The following NFIB variants were observed in gnomAD, a reference collection of about 807,000 sequenced individuals.
NFIB encodes nuclear factor 1 B-type.
In NFIB, 11 loss-of-function variants were observed where a neutral mutation model predicts 61.5. That is an observed-to-expected ratio of 0.18 (90% confidence interval 0.11 to 0.30). NFIB has a LOEUF of 0.30. NFIB is among the 10% of genes least tolerant of loss of function. NFIB has a pLI of 1.00. For synonymous variants in NFIB, 260 were observed against 216.5 expected (o/e 1.20, Z -1.76); for missense variants, 471 against 608.9 (o/e 0.77, Z 2.38).
chr9:14,095,590 T>G lies in NFIB; in HGVS notation c.1468-7264A>C, dbSNP rs556652959. ...ATAAAATTCTCTACAAAAATGGTGC[T>G]TCAAAATAGTGCCTTTCACTAGAGA... is the stretch of plus-strand genomic sequence containing the variant. On this transcript the variant is annotated intron_variant, in intron 10 of 10. Transcript: ENST00000380953. Among the ~76,000 whole-genome samples the G allele has an allele frequency of 2.0e-5, 3 of 152,206 alleles. No individual in the cohort carries two copies. The South Asian group carries it at 6.2e-4, about 32-fold the overall frequency.
intron 1 of NFIB, among the ~76,000 whole-genome samples, chr9:14,355,392 G>A (rs141419122): frequency 9.5e-4 from 145 of 152,256 alleles, no homozygotes; most frequent in African/African-American, 3.2e-3. Context: ...TGAGCCCCTA[G>A]AATTGTGAGA....
At chr9:14,437,629 G>A in the NFIB span, among the ~76,000 whole-genome samples, 1 of 152,176 alleles carries the variant, frequency 6.6e-6, no homozygotes, top group East Asian at 1.9e-4. Context: ...CCTCTCCCTG[G>A]TTGTTTATAA....
intron 6 of NFIB, among the ~76,000 whole-genome samples, chr9:14,126,780 A>G (rs2039708875): frequency 6.6e-6 from 1 of 152,184 alleles, no homozygotes; most frequent in Non-Finnish European, 1.5e-5. Flanking sequence ...CAGAAACTAA[A>G]TGGAGGGCGG....
intron 10 of NFIB, among the ~76,000 whole-genome samples, chr9:14,103,288 A>C (rs1015394734): frequency 2.0e-5 from 3 of 150,090 alleles, no homozygotes; most frequent in African/African-American, 7.4e-5. Flanking sequence ...TAGCAGATTT[A>C]TTGAAAAGAT....
At chr9:14,256,594 G>C (rs1005903388) in intron 2 of NFIB, among the ~76,000 whole-genome samples, 1 of 152,140 alleles carries the variant, frequency 6.6e-6, no homozygotes, top group Non-Finnish European at 1.5e-5. Context: ...CTTCCAAAAA[G>C]GAAAGTGAAT....
chr9:14,386,402 G>A (rs963772224), intron 1 of NFIB, among the ~76,000 whole-genome samples: 17 of 152,134 alleles, frequency 1.1e-4, no homozygotes, highest in Non-Finnish European at 2.2e-4. Flanking sequence ...GTCCAACTTC[G>A]AAGGTCCTGT....
At chr9:14,256,330 TATTA>T (rs1006911218) in intron 2 of NFIB, among the ~76,000 whole-genome samples, 9 of 152,248 alleles carry the variant, frequency 5.9e-5, no homozygotes, top group African/African-American at 2.2e-4. Context: ...GAAAAAAAAT[TATTA>T]ATTATATACC....
chr9:14,467,579 A>G, the NFIB span, among the ~76,000 whole-genome samples: 1 of 152,162 alleles, frequency 6.6e-6, no homozygotes, highest in Non-Finnish European at 1.5e-5. Flanking sequence ...TATCCATTCA[A>G]TATTTATTAT....
At chr9:14,392,524 T>G (rs1428399304) in intron 1 of NFIB, among the ~76,000 whole-genome samples, 1 of 152,150 alleles carries the variant, frequency 6.6e-6, no homozygotes, top group Admixed American at 6.5e-5. Flanking sequence ...GCCCAGGAGT[T>G]TGAGACCGAC....
chr9:14,259,820 G>A (rs1464640803), intron 2 of NFIB, among the ~76,000 whole-genome samples: 7 of 152,126 alleles, frequency 4.6e-5, no homozygotes, highest in African/African-American at 1.2e-4. Flanking sequence ...CACGAGAATC[G>A]CTTGAACCTG....
intron 1 of NFIB, chr9:14,322,095 A>C: frequency 2.6e-5 from 22 of 855,994 alleles, no homozygotes; most frequent in East Asian, 4.3e-5. Context: ...AAAAAAAAAA[A>C]AAAAAAAGCA....
chr9:14,465,992 C>A, the NFIB span, among the ~76,000 whole-genome samples: 5 of 152,110 alleles, frequency 3.3e-5, no homozygotes, highest in East Asian at 9.7e-4. Flanking sequence ...ACTTTGGTCT[C>A]CAATAGAAAA....
Position 14,333,278 on chromosome 9 carries a change from G to C in NFIB, c.109-25758C>G, listed in dbSNP as rs188643588. ...GTTTTACAGATGAGAAGATTTGTGTGCATAGAGAATAAATAAATCACCCAA... is the reference window on the plus strand; with the variant it reads ...GTTTTACAGATGAGAAGATTTGTGTCCATAGAGAATAAATAAATCACCCAA... On this transcript the variant is annotated intron_variant, in intron 1 of 8. Transcript: ENST00000380934. Among the ~76,000 whole-genome samples the C allele has an allele frequency of 2.1e-3, 323 of 152,304 alleles. 5 individuals carry two copies. Among genetic ancestry groups the C allele is most frequent in the Admixed American group, 0.02 (299 of 15,298 alleles).
chr9:14,347,428 TCTC>T (rs2061039885), intron 1 of NFIB: 1 of 152,348 alleles, frequency 6.6e-6, no homozygotes, highest in South Asian at 2.1e-4. Flanking sequence ...GGACTCCTTT[TCTC>T]CTCCTGCCAG....
intron 2 of NFIB, among the ~76,000 whole-genome samples, chr9:14,192,380 G>T (rs992984023): frequency 2.6e-5 from 4 of 152,060 alleles, no homozygotes; most frequent in African/African-American, 9.7e-5. Context: ...TAATTCCCCT[G>T]CCCCAAACAA....
intron 2 of NFIB, among the ~76,000 whole-genome samples, chr9:14,278,482 A>C (rs2058155415): frequency 6.6e-6 from 1 of 152,220 alleles, no homozygotes; most frequent in African/African-American, 2.4e-5. Context: ...TGTGGAAATC[A>C]AAAGCAACAG....
chr9:14,297,402 C>A (rs554476236), intron 2 of NFIB, among the ~76,000 whole-genome samples: 3 of 152,358 alleles, frequency 2.0e-5, no homozygotes, highest in African/African-American at 7.2e-5. Flanking sequence ...ATTCAACCTT[C>A]CTCCTTTGAC....
At chr9:14,315,166 A>G (rs1333327403), upstream of NFIB, among the ~76,000 whole-genome samples, 1 of 151,048 alleles carries the variant, frequency 6.6e-6, no homozygotes, top group Non-Finnish European at 1.5e-5. Flanking sequence ...TGCGGCGCCC[A>G]GCCCCCGACG....
chr9:14,314,124 G>A lies in NFIB; in HGVS notation c.-613C>T, dbSNP rs1471409057. The A allele has an allele frequency of 2.9e-6, 3 of 1,018,694 alleles. No individual in the cohort carries two copies. The highest frequency in any genetic ancestry group is 3.5e-6 in the Non-Finnish European group (3 of 851,296). 63.1% of individuals were successfully genotyped at this position (1,018,694 alleles called of 1,614,324 possible). A position where few individuals can be genotyped will look rare whatever the true frequency, so the allele number is the denominator to read the frequency against. Reference sequence around the variant, plus strand: ...GAGCCGACCATGTGTGTGCGCGAGGGGCAGCGTGAGCGAGTGCGCGCGGGT... The same window carrying A: ...GAGCCGACCATGTGTGTGCGCGAGGAGCAGCGTGAGCGAGTGCGCGCGGGT... On this transcript the variant is annotated 5_prime_UTR_variant, in exon 1 of 11. Transcript: ENST00000380953.
Sources: allele counts gnomAD v4.1 joint callset (sites outside exome capture counted in the v4.1 genomes callset), GRCh38; gene constraint gnomAD v4.1.1; transcripts MANE v1.5; gene names NCBI Gene and HGNC (gene_info 2026-07-23, HGNC 2026-07-21).